GABRB2: variants seen among roughly 807,000 people sequenced by gnomAD.
The protein encoded by GABRB2 is gamma-aminobutyric acid type A receptor subunit beta2.
A neutral mutation model predicts 54.7 loss-of-function variants in GABRB2; 16 were observed. The observed-to-expected ratio is 0.29, with a 90% CI of 0.20 to 0.44. GABRB2 has a LOEUF of 0.44. GABRB2 is among the 20% of genes least tolerant of loss of function. The pLI, the probability that GABRB2 is intolerant of heterozygous loss-of-function variation, is 1.00. For missense variants in GABRB2, 355 were observed against 644.0 expected, an observed-to-expected ratio of 0.55 and a Z score of 4.86; for synonymous variants, 244 against 233.8, an observed-to-expected ratio of 1.04 and a Z score of -0.40.
chr5:161,374,851 T>A (rs972339483), intron 5 of GABRB2, among the ~76,000 whole-genome samples: 3 of 152,164 alleles, frequency 2.0e-5, no homozygotes, highest in African/African-American at 7.2e-5. Context: ...TACAGTATTA[T>A]CTCCTTAAGC....
intron 3 of GABRB2, among the ~76,000 whole-genome samples, chr5:161,514,682 T>C (rs900098919): frequency 6.6e-6 from 1 of 152,098 alleles, no homozygotes; most frequent in African/African-American, 2.4e-5. Flanking sequence ...CTCTAAATTA[T>C]GAAACACGTA....
chr5:161,408,806 A>C (rs1016496062), intron 5 of GABRB2, among the ~76,000 whole-genome samples: 1 of 151,950 alleles, frequency 6.6e-6, no homozygotes, highest in Admixed American at 6.6e-5. Flanking sequence ...TGAGAGAGGA[A>C]GACAGATGGG....
chr5:161,432,795 CGA>C (rs1482465032), intron 4 of GABRB2, among the ~76,000 whole-genome samples: 1 of 152,062 alleles, frequency 6.6e-6, no homozygotes, highest in East Asian at 1.9e-4. Context: ...TGCTGTTCCC[CGA>C]GAGTCACCAC....
chr5:161,446,143 TG>T (rs1389690466), intron 4 of GABRB2, among the ~76,000 whole-genome samples: 1 of 152,162 alleles, frequency 6.6e-6, no homozygotes, highest in Admixed American at 6.6e-5. Flanking sequence ...TCTCTTTTGC[TG>T]GTAGTTTATA....
chr5:161,494,538 C>CATGTGTGTGTGT (rs1554104312), intron 3 of GABRB2, among the ~76,000 whole-genome samples: 17 of 146,142 alleles, frequency 1.2e-4, no homozygotes, highest in Non-Finnish European at 1.5e-4. Flanking sequence ...GTTAGGTATG[C>CATGTGTGTGTGT]GTGTGTGTGT....
intron 4 of GABRB2, among the ~76,000 whole-genome samples, chr5:161,421,861 T>C (rs1418282238): frequency 6.6e-6 from 1 of 152,064 alleles, no homozygotes; most frequent in Non-Finnish European, 1.5e-5. Flanking sequence ...TTCTATAACA[T>C]AAAATAAAAT....
chr5:161,435,989 T>C (rs1448998613), intron 4 of GABRB2, among the ~76,000 whole-genome samples: 2 of 152,198 alleles, frequency 1.3e-5, no homozygotes, highest in South Asian at 2.1e-4. Flanking sequence ...TATAATATTA[T>C]GATTTCATAG....
At chr5:161,326,241 C>T (rs1020099893) in intron 9 of GABRB2, 127 bp downstream of exon 9, 22 of 1,345,068 alleles carry the variant, frequency 1.6e-5, no homozygotes, top group Non-Finnish European at 2.2e-5. Context: ...TTAACTTATC[C>T]CCAAGACTCT....
chr5:161,336,514 G>A, intron 6 of GABRB2, 118 bp downstream of exon 6: 2 of 1,206,014 alleles, frequency 1.7e-6, no homozygotes, highest in South Asian at 1.5e-5. Flanking sequence ...AGGGTTTTCA[G>A]TGGATTTGTC....
At chr5:161,510,243 C>G (rs992297602) in intron 3 of GABRB2, among the ~76,000 whole-genome samples, 2 of 151,638 alleles carry the variant, frequency 1.3e-5, no homozygotes, top group African/African-American at 4.8e-5. Flanking sequence ...TTTCCTCCCC[C>G]AGCTCCCCCC....
chr5:161,500,546 G>A (rs949792373), intron 3 of GABRB2, among the ~76,000 whole-genome samples: 1 of 152,112 alleles, frequency 6.6e-6, no homozygotes, highest in Non-Finnish European at 1.5e-5. Context: ...TGTTGTCCTT[G>A]TTGTGTTTTC....
chr5:161,497,026 T>A (rs1239153821), intron 3 of GABRB2, among the ~76,000 whole-genome samples: 1 of 152,154 alleles, frequency 6.6e-6, no homozygotes, highest in African/African-American at 2.4e-5. Flanking sequence ...TTCAGTAACA[T>A]CCAACATTTA....
intron 4 of GABRB2, among the ~76,000 whole-genome samples, chr5:161,417,230 G>A (rs1481183229): frequency 2.0e-5 from 3 of 152,156 alleles, no homozygotes; most frequent in Non-Finnish European, 4.4e-5. Context: ...ATTGCTTGTA[G>A]GAGTTAGGTG....
intron 5 of GABRB2, among the ~76,000 whole-genome samples, chr5:161,363,855 G>A (rs1322330512): frequency 6.6e-6 from 1 of 152,198 alleles, no homozygotes; most frequent in Non-Finnish European, 1.5e-5. Context: ...AATAACCAGA[G>A]AGGCTAGAAT....
rs117997656 is a variant in GABRB2, at chr5:161,395,449, G to A, written c.541+15526C>T. 1.1e-3 allele frequency among the ~76,000 whole-genome samples: 174 copies of A among 152,064 alleles called. No homozygotes were observed. The East Asian group carries it at 0.016, about 14-fold the overall frequency. On this transcript the variant is annotated intron_variant, in intron 5 of 9. Coordinates refer to ENST00000393959, the MANE Select transcript of GABRB2 (RefSeq NM_001371727.1). ...ATAGTTCTGAGATTTACAATGCTTC[G>A]CCCTCAGCACTTTGGGCATAATGAT...
chr5:161,546,772 GC>G (rs2113491373), upstream of GABRB2: 8 of 1,495,740 alleles, frequency 5.3e-6, no homozygotes, highest in Middle Eastern at 1.8e-4. Flanking sequence ...GGAAGCGGCG[GC>G]TGCCGGGGAC....
At chr5:161,409,335 A>G (rs1339310231) in intron 5 of GABRB2, among the ~76,000 whole-genome samples, 1 of 152,080 alleles carries the variant, frequency 6.6e-6, no homozygotes, top group Non-Finnish European at 1.5e-5. Context: ...TGTGAATTGA[A>G]GTGAGATACG....
chr5:161,500,740 T>G (rs1759407008), intron 3 of GABRB2, among the ~76,000 whole-genome samples: 1 of 152,228 alleles, frequency 6.6e-6, no homozygotes, highest in South Asian at 2.1e-4. Flanking sequence ...TTTATGCCAC[T>G]GAAAGATGTT....
intron 4 of GABRB2, among the ~76,000 whole-genome samples, chr5:161,419,862 C>A (rs1002869908): frequency 6.6e-6 from 1 of 152,076 alleles, no homozygotes; most frequent in Admixed American, 6.5e-5. Flanking sequence ...CAAAGTTCAG[C>A]GTTCACTATT....
Sources: allele counts gnomAD v4.1 joint callset (sites outside exome capture counted in the v4.1 genomes callset), GRCh38; gene constraint gnomAD v4.1.1; transcripts MANE v1.5; gene names NCBI Gene and HGNC (gene_info 2026-07-23, HGNC 2026-07-21).